Variants in MACROD2 observed in about 807,000 individuals in gnomAD.
The protein encoded by MACROD2 is mono-ADP ribosylhydrolase 2, also known as ADP-ribose glycohydrolase MACROD2.
MACROD2 carries 36 observed loss-of-function variants against 70.4 expected under a neutral mutation model. That is an observed-to-expected ratio of 0.51 (90% CI 0.39 to 0.68). MACROD2 has a LOEUF of 0.68. Ranked by LOEUF, MACROD2 falls within the 30% of genes least tolerant of loss-of-function variation. The pLI is 0.00. For synonymous variants in MACROD2, 172 were observed against 178.8 expected, an observed-to-expected ratio of 0.96 and a Z score of 0.30; for missense variants, 496 against 538.4, an observed-to-expected ratio of 0.92 and a Z score of 0.78.
chr20:14,962,557 A>C (rs574481068), intron 5 of MACROD2, among the ~76,000 whole-genome samples: 2 of 148,474 alleles, frequency 1.3e-5, no homozygotes, highest in Admixed American at 1.3e-4. Flanking sequence ...CTCTGTCTCT[A>C]TATATATGTG....
intron 3 of MACROD2, among the ~76,000 whole-genome samples, chr20:14,366,081 T>C (rs1010939322): frequency 2.0e-5 from 3 of 152,164 alleles, no homozygotes; most frequent in Non-Finnish European, 4.4e-5. Flanking sequence ...CTGCTGTTGA[T>C]GGTGGAGTGT....
intron 3 of MACROD2, among the ~76,000 whole-genome samples, chr20:14,328,317 G>C (rs1282404117): frequency 6.6e-6 from 1 of 152,002 alleles, no homozygotes; most frequent in East Asian, 1.9e-4. Context: ...TCTTTCTTCT[G>C]TTCACATTTT....
At chr20:15,925,929 G>A (rs1027715344) in intron 10 of MACROD2, among the ~76,000 whole-genome samples, 1 of 152,124 alleles carries the variant, frequency 6.6e-6, no homozygotes, top group African/African-American at 2.4e-5. Context: ...CTGTTAATGG[G>A]GCATGGATGC....
intron 7 of MACROD2, among the ~76,000 whole-genome samples, chr20:15,493,179 C>T (rs888120954): frequency 2.0e-5 from 3 of 152,078 alleles, no homozygotes; most frequent in Admixed American, 6.6e-5. Flanking sequence ...GTCTCTAGAG[C>T]GCTGCCTTCT....
chr20:16,000,809 G>A (rs766787357), intron 15 of MACROD2, among the ~76,000 whole-genome samples: 9 of 152,178 alleles, frequency 5.9e-5, no homozygotes, highest in Non-Finnish European at 1.2e-4. Context: ...TGTATGTGGA[G>A]TAGATAGTGA....
intron 2 of MACROD2, among the ~76,000 whole-genome samples, chr20:14,021,135 G>T (rs1246662540): frequency 6.6e-6 from 1 of 151,700 alleles, no homozygotes; most frequent in Non-Finnish European, 1.5e-5. Flanking sequence ...GACTACAGGC[G>T]CCCACCACCA....
At chr20:14,035,651 T>C (rs1161675754) in intron 2 of MACROD2, among the ~76,000 whole-genome samples, 1 of 152,122 alleles carries the variant, frequency 6.6e-6, no homozygotes, top group Non-Finnish European at 1.5e-5. Context: ...TCGTGGAAAA[T>C]TTTTTGTTCT....
At chr20:15,374,014 A>G (rs564300957) in intron 6 of MACROD2, among the ~76,000 whole-genome samples, 1 of 152,102 alleles carries the variant, frequency 6.6e-6, no homozygotes, top group Admixed American at 6.5e-5. Context: ...TCCCTCTAAT[A>G]TGAGAATTCA....
chr20:15,967,576 A>C lies in MACROD2; in HGVS notation c.931A>C (p.Thr311Pro), dbSNP rs748679449. Residue 311 changes from threonine (T) to proline (P), a missense_variant, in exon 13 of 18, where the codon ACA becomes CCA. Physicochemically the swap from Thr to Pro is conservative, Grantham distance 38 (BLOSUM62 -1). Coordinates refer to ENST00000684519, the MANE Select transcript of MACROD2 (RefSeq NM_001351661.2). ...DEDFAKDENI[T>P]KGGEVTDHSV... Reference sequence around the variant, plus strand: ...AGATTTTGCAAAGGATGAAAATATTACAAAAGGCGGTGAAGTGACAGATCA... The same window carrying C: ...AGATTTTGCAAAGGATGAAAATATTCCAAAAGGCGGTGAAGTGACAGATCA... The C allele has an allele frequency of 6.2e-7, 1 of 1,611,820 alleles. No homozygotes were observed. The highest frequency in any genetic ancestry group is 8.5e-7 in the Non-Finnish European group (1 of 1,179,084).
At chr20:15,490,501 T>A (rs1008615340) in intron 7 of MACROD2, among the ~76,000 whole-genome samples, 27 of 152,040 alleles carry the variant, frequency 1.8e-4, no homozygotes, top group Non-Finnish European at 2.9e-5. Flanking sequence ...GCTCAAGCAA[T>A]CCTCCTGCCA....
At chr20:15,559,384 C>T (rs1217501181) in intron 8 of MACROD2, among the ~76,000 whole-genome samples, 1 of 152,066 alleles carries the variant, frequency 6.6e-6, no homozygotes, top group East Asian at 1.9e-4. Flanking sequence ...TCACTAAATG[C>T]ATCAAACAAA....
At chr20:14,293,339 G>A (rs1442823599) in intron 3 of MACROD2, among the ~76,000 whole-genome samples, 1 of 151,774 alleles carries the variant, frequency 6.6e-6, no homozygotes, top group Non-Finnish European at 1.5e-5. Context: ...ATAAAGATAA[G>A]TGCTTTGAAG....
intron 8 of MACROD2, among the ~76,000 whole-genome samples, chr20:15,577,636 G>A (rs1207948441): frequency 1.3e-5 from 2 of 151,854 alleles, no homozygotes; most frequent in Non-Finnish European, 2.9e-5. Context: ...CCCTGCGTGC[G>A]TACTCCCTGC....
At chr20:15,814,187 T>C (rs2147092423) in intron 8 of MACROD2, among the ~76,000 whole-genome samples, 1 of 152,290 alleles carries the variant, frequency 6.6e-6, no homozygotes, top group South Asian at 2.1e-4. Flanking sequence ...CATTGGACCT[T>C]AACACTTTAC....
intron 5 of MACROD2, among the ~76,000 whole-genome samples, chr20:15,101,202 A>G (rs2075869536): frequency 1.3e-5 from 2 of 152,054 alleles, no homozygotes; most frequent in South Asian, 4.2e-4. Flanking sequence ...AGTAAAATGG[A>G]TATATCCAAT....
At chr20:14,038,904 T>G (rs1014181278) in intron 2 of MACROD2, among the ~76,000 whole-genome samples, 1 of 152,202 alleles carries the variant, frequency 6.6e-6, no homozygotes, top group African/African-American at 2.4e-5. Flanking sequence ...AAAACAAATT[T>G]GCTTCCTTAG....
chr20:15,414,333 A>T (rs1428308342), intron 6 of MACROD2, among the ~76,000 whole-genome samples: 1 of 152,102 alleles, frequency 6.6e-6, no homozygotes, highest in Non-Finnish European at 1.5e-5. Flanking sequence ...TCAGACCCCA[A>T]CCCAGACTCA....
intron 4 of MACROD2, 42 bp from the exon 5 acceptor site, chr20:14,684,801 C>T (rs2070982788): frequency 6.6e-7 from 1 of 1,509,486 alleles, no homozygotes; most frequent in Non-Finnish European, 9.2e-7. Flanking sequence ...ATATTTATTT[C>T]CAAATGCCAA....
At chr20:14,603,756 A>G (rs1186904279) in intron 4 of MACROD2, among the ~76,000 whole-genome samples, 1 of 152,212 alleles carries the variant, frequency 6.6e-6, no homozygotes, top group African/African-American at 2.4e-5. Context: ...AATATTTCAC[A>G]GATGAGGAAA....
Sources: gnomAD v4.1 joint callset for allele counts (sites outside exome capture counted in the v4.1 genomes callset) on GRCh38, gnomAD v4.1.1 for gene constraint, MANE v1.5 for transcripts, NCBI Gene and HGNC (gene_info 2026-07-23, HGNC 2026-07-21) for gene names.